PTK2B: variants seen among roughly 807,000 people sequenced by gnomAD.
PTK2B encodes protein tyrosine kinase 2 beta, also known as protein-tyrosine kinase 2-beta.
In PTK2B, 71 loss-of-function variants were observed where a neutral mutation model predicts 142.9. The ratio of observed to expected loss-of-function variants is 0.50; its 90% confidence interval spans 0.41 to 0.61. PTK2B has a LOEUF of 0.61. Ranked by LOEUF, PTK2B falls within the 20% of genes least tolerant of loss-of-function variation. The probability of loss-of-function intolerance (pLI) is 0.00; values close to 1 mark genes in which losing one functional copy is unlikely to be tolerated. For synonymous variants in PTK2B, 519 were observed against 503.4 expected, an observed-to-expected ratio of 1.03 and a Z score of -0.42; for missense variants, 1,105 against 1,320.4, an observed-to-expected ratio of 0.84 and a Z score of 2.53.
chr8:27,434,505 T>C lies in PTK2B; in HGVS notation c.1146-8T>C, dbSNP rs1810649601. On this transcript the variant is annotated splice_region_variant and splice_polypyrimidine_tract_variant and intron_variant, in intron 12 of 30. Transcript: ENST00000346049. ...CTCACCTGGCTTCTGCTCTCTCACCTCCTACAGAAACCTGGAGGCCCGGCG... is the reference window on the plus strand; with the variant it reads ...CTCACCTGGCTTCTGCTCTCTCACCCCCTACAGAAACCTGGAGGCCCGGCG... 2 of 1,609,084 alleles carry C rather than the reference T, an allele frequency of 1.2e-6. No individual in the cohort carries two copies. Among genetic ancestry groups the C allele is most frequent in the South Asian group, 2.2e-5 (2 of 90,212 alleles).
At position 27,350,353 on chromosome 8, in the gene PTK2B, T is replaced by A. The variant is rs142350037; in HGVS notation, c.-38+24672T>A. ...GAGTCTGGCCATGAGCCAGAGACAT[T>A]TGCATTCTCTTCTGAGAGACTTCCC... On this transcript the variant is annotated intron_variant, in intron 1 of 30. Coordinates refer to ENST00000346049, the MANE Select transcript of PTK2B (RefSeq NM_173176.3). Among the ~76,000 whole-genome samples the A allele has an allele frequency of 1.4e-3, 197 of 139,848 alleles. 1 individual carries two copies. The highest frequency in any genetic ancestry group is 4.8e-3 in the African/African-American group (176 of 36,814). The allele number at this position is 139,848 out of a possible 152,430, so 91.7% of individuals were successfully genotyped here. A position where few individuals can be genotyped will look rare whatever the true frequency, so the allele number is the denominator to read the frequency against.
chr8:27,416,745 G>A (rs577060000), intron 2 of PTK2B, among the ~76,000 whole-genome samples: 1 of 152,176 alleles, frequency 6.6e-6, no homozygotes, highest in African/African-American at 2.4e-5. Context: ...ATGTATAAAA[G>A]CCTCCTACAA....
chr8:27,339,903 C>T (rs1181051317), intron 1 of PTK2B, among the ~76,000 whole-genome samples: 1 of 152,254 alleles, frequency 6.6e-6, no homozygotes, highest in East Asian at 1.9e-4. Context: ...TCCAGTGTTT[C>T]CAGTGACAGT....
chr8:27,319,580 C>CT (rs1803165974), intron 3 of PTK2B, among the ~76,000 whole-genome samples: 1 of 141,486 alleles, frequency 7.1e-6, no homozygotes, highest in South Asian at 2.2e-4. Flanking sequence ...GGAGGTAGAG[C>CT]TTGCAGTAAG....
In PTK2B at chr8:27,361,344, G is replaced by A. The variant is rs192835259; in HGVS notation, c.-38+35663G>A. On this transcript the variant is annotated intron_variant, in intron 1 of 30. Coordinates refer to ENST00000346049, the MANE Select transcript of PTK2B (RefSeq NM_173176.3). ...GGTGATCCTCCCATCTTAGCCTCCC[G>A]AGTAGCTGGGACCACAGGCATGCAC... Among the ~76,000 whole-genome samples, 1,011 of 152,056 alleles carry A rather than the reference G, an allele frequency of 6.6e-3. 7 individuals carry two copies. The highest frequency in any genetic ancestry group is 0.017 in the Middle Eastern group (5 of 294).
At chr8:27,311,199 G>C (rs774551484), upstream of PTK2B, 4 of 1,595,240 alleles carry the variant, frequency 2.5e-6, no homozygotes, top group Non-Finnish European at 3.4e-6. Flanking sequence ...TTGAAGGAGC[G>C]GGAAGGCCCG....
intron 6 of PTK2B, 102 bp from the exon 7 acceptor site, chr8:27,430,262 G>A (rs1313563064): frequency 5.1e-6 from 8 of 1,582,486 alleles, no homozygotes; most frequent in Non-Finnish European, 5.2e-6. Flanking sequence ...ACATAGGGCC[G>A]TCTCTAGGTC....
At chr8:27,455,748 A>T (rs2132552595) in intron 30 of PTK2B, among the ~76,000 whole-genome samples, 1 of 152,350 alleles carries the variant, frequency 6.6e-6, no homozygotes, top group South Asian at 2.1e-4. Context: ...CCCACTTCAG[A>T]CTTTTGCCCT....
At chr8:27,431,124 C>T (rs1810390489) in intron 8 of PTK2B, 108 bp downstream of exon 8, 13 of 1,512,036 alleles carry the variant, frequency 8.6e-6, no homozygotes, top group Non-Finnish European at 1.2e-5. Context: ...GATTCTCACT[C>T]AGGCAGCAGG....
intron 1 of PTK2B, among the ~76,000 whole-genome samples, chr8:27,345,277 C>A (rs1030623264): frequency 1.3e-5 from 2 of 152,256 alleles, no homozygotes; most frequent in Non-Finnish European, 2.9e-5. Flanking sequence ...AATTATACCA[C>A]CCCAGCTTCC....
rs184114635 is a variant in PTK2B, at chr8:27,364,495, T to C, written c.-37-33053T>C. ...GTGAAGAAAAGCTTCCTGACGGAGGTGAAACTTGAGGTGGGCTTTACCAAG... is the reference window on the plus strand; with the variant it reads ...GTGAAGAAAAGCTTCCTGACGGAGGCGAAACTTGAGGTGGGCTTTACCAAG... On this transcript the variant is annotated intron_variant, in intron 1 of 30. Coordinates refer to ENST00000346049, the MANE Select transcript of PTK2B (RefSeq NM_173176.3). Among the ~76,000 whole-genome samples the C allele has an allele frequency of 1.4e-3, 212 of 151,994 alleles. 1 individual carries two copies. The highest frequency in any genetic ancestry group is 4.8e-3 in the African/African-American group (198 of 41,434).
At chr8:27,331,336 G>A (rs2130838809) in intron 1 of PTK2B, among the ~76,000 whole-genome samples, 1 of 152,286 alleles carries the variant, frequency 6.6e-6, no homozygotes, top group East Asian at 1.9e-4. Context: ...GGGGAGGGGT[G>A]TACTGGGAAT....
At position 27,351,016 on chromosome 8, in the gene PTK2B, TATATATATATATATATATATATATAC is replaced by T. The variant is rs1563211118; in HGVS notation, c.-38+25336_-38+25361del. On this transcript the variant is annotated intron_variant, in intron 1 of 30. Coordinates refer to ENST00000346049, the MANE Select transcript of PTK2B (RefSeq NM_173176.3). ...ATATATATATATATATATATATATATATATATATATATATATATATATATACGTGCTTGGAGCAGGCACAGTGGTGC... is the reference window on the plus strand; with the variant it reads ...ATATATATATATATATATATATATATGTGCTTGGAGCAGGCACAGTGGTGC... 2.5e-4 allele frequency among the ~76,000 whole-genome samples: 9 copies of T among 36,318 alleles called. 2 individuals carry two copies. The highest frequency in any genetic ancestry group is 1.1e-3 in the South Asian group (1 of 910). 23.8% of individuals were successfully genotyped at this position (36,318 alleles called of 152,430 possible). A position where few individuals can be genotyped will look rare whatever the true frequency, so the allele number is the denominator to read the frequency against.
At position 27,458,435 on chromosome 8, in the gene PTK2B, G is replaced by T; in HGVS notation, c.2956G>T (p.Asp986Tyr). The T allele has an allele frequency of 6.2e-7, 1 of 1,610,438 alleles. No homozygotes were observed. The change falls in exon 31 of 31, where the codon GAC becomes TAC. Residue 986 changes from aspartate to tyrosine, a missense_variant. Transcript: ENST00000346049. ...MLTASHTLAVDAKNLLDAVDQ... is the reference protein window; with the variant it reads ...MLTASHTLAVYAKNLLDAVDQ... ...GACGGCTTCACACACCCTGGCTGTG[G>T]ACGCCAAGAACCTGCTCGACGCTGT...
chr8:27,452,955 C>CAGG, intron 27 of PTK2B, 159 bp from the exon 28 acceptor site: 3 of 788,592 alleles, frequency 3.8e-6, no homozygotes, highest in Non-Finnish European at 6.1e-6. Flanking sequence ...CCAGGGAGAC[C>CAGG]AGGAGGTTCC....
intron 5 of PTK2B, among the ~76,000 whole-genome samples, chr8:27,424,788 A>G (rs528524356): frequency 6.6e-6 from 1 of 152,294 alleles, no homozygotes; most frequent in East Asian, 1.9e-4. Flanking sequence ...GTGTGGGGCT[A>G]CCTACAAATC....
chr8:27,355,072 C>G (rs1314187850), intron 1 of PTK2B, among the ~76,000 whole-genome samples: 1 of 152,202 alleles, frequency 6.6e-6, no homozygotes, highest in East Asian at 1.9e-4. Flanking sequence ...CTCTAATACT[C>G]TGCTACAGGC....
chr8:27,311,269 T>C (rs1157576708), upstream of PTK2B: 3 of 1,468,906 alleles, frequency 2.0e-6, no homozygotes, highest in Admixed American at 4.9e-5. Flanking sequence ...CCCGGAACTT[T>C]TGCTCCGGCC....
intron 23 of PTK2B, among the ~76,000 whole-genome samples, 165 bp from the exon 24 acceptor site, chr8:27,445,629 G>A (rs889386265): frequency 1.3e-5 from 2 of 152,154 alleles, no homozygotes; most frequent in African/African-American, 2.4e-5. Flanking sequence ...CATCTCTCTC[G>A]GAGCAATGGA....
Sources: allele counts gnomAD v4.1 joint callset (sites outside exome capture counted in the v4.1 genomes callset), GRCh38; gene constraint gnomAD v4.1.1; transcripts MANE v1.5; gene names NCBI Gene and HGNC (gene_info 2026-07-23, HGNC 2026-07-21).